RAP1GAP2: variants seen among roughly 807,000 people sequenced by gnomAD.
RAP1GAP2 encodes the protein rap1 GTPase-activating protein 2.
Under a neutral mutation model 95.0 loss-of-function variants are expected in RAP1GAP2, and 27 were observed. That is an observed-to-expected ratio of 0.28 (90% CI 0.21 to 0.39). The LOEUF is 0.39. RAP1GAP2 is among the 10% of genes least tolerant of loss of function. RAP1GAP2 has a pLI of 1.00. For synonymous variants in RAP1GAP2, 373 were observed against 380.9 expected (o/e 0.98, Z 0.24); for missense variants, 771 against 970.0 (o/e 0.79, Z 2.72).
chr17:2,988,988 G>A (rs1215138218), intron 11 of RAP1GAP2, among the ~76,000 whole-genome samples: 2 of 151,940 alleles, frequency 1.3e-5, no homozygotes, highest in Non-Finnish European at 2.9e-5. Flanking sequence ...GAACCTGGGA[G>A]GCAGAGGTTG....
intron 11 of RAP1GAP2, among the ~76,000 whole-genome samples, chr17:2,987,263 G>A (rs1311037378): frequency 6.6e-6 from 1 of 152,190 alleles, no homozygotes; most frequent in Non-Finnish European, 1.5e-5. Flanking sequence ...CATAGCATTT[G>A]TTGCACCCTA....
At chr17:2,756,985 C>T (rs1031406202) in intron 1 of RAP1GAP2, among the ~76,000 whole-genome samples, 8 of 152,216 alleles carry the variant, frequency 5.3e-5, no homozygotes, top group African/African-American at 1.9e-4. Context: ...CATCCAAGTT[C>T]ACATTGTCCG....
In RAP1GAP2 at chr17:2,957,851, A is replaced by G. The variant is rs370011769; in HGVS notation, c.201+57A>G. The G allele has an allele frequency of 1.1e-4, 173 of 1,521,736 alleles. No homozygotes were observed. The African/African-American group carries it at 2.3e-3, about 20-fold the overall frequency. The allele number at this position is 1,521,736 out of a possible 1,614,324, so 94.3% of individuals were successfully genotyped here. On this transcript the variant is annotated intron_variant, in intron 4 of 24. Transcript: ENST00000254695. ...AAGCCCAGCCCCAGATGTGGGTGGCATAGGGACCAGGCAGAACCCACGGGC... is the reference window on the plus strand; with the variant it reads ...AAGCCCAGCCCCAGATGTGGGTGGCGTAGGGACCAGGCAGAACCCACGGGC...
upstream of RAP1GAP2, among the ~76,000 whole-genome samples, chr17:2,775,971 G>A (rs183628189): frequency 1.6e-4 from 24 of 152,310 alleles, no homozygotes; most frequent in East Asian, 4.1e-3. Flanking sequence ...CTAAGGCCAG[G>A]AGTTTGAGAC....
intron 2 of RAP1GAP2, among the ~76,000 whole-genome samples, chr17:2,874,312 C>G (rs1234075223): frequency 6.6e-6 from 1 of 152,114 alleles, no homozygotes; most frequent in Non-Finnish European, 1.5e-5. Flanking sequence ...TAAAAACACT[C>G]TAAACTCCAA....
chr17:2,949,030 C>T (rs1029000400), intron 3 of RAP1GAP2, among the ~76,000 whole-genome samples: 1 of 152,232 alleles, frequency 6.6e-6, no homozygotes, highest in Non-Finnish European at 1.5e-5. Context: ...CAGCATCCTC[C>T]TCCCCAAAGA....
intron 1 of RAP1GAP2, among the ~76,000 whole-genome samples, chr17:2,767,833 C>T (rs926343846): frequency 6.6e-6 from 1 of 151,502 alleles, no homozygotes; most frequent in African/African-American, 2.4e-5. Context: ...CCCAGGTTCA[C>T]GCTATTCTCC....
In RAP1GAP2 at chr17:3,027,079, C is replaced by T. The variant is rs1036918881; in HGVS notation, c.2107+9C>T. 26 of 1,571,556 alleles carry T rather than the reference C, an allele frequency of 1.7e-5. No individual in the cohort carries two copies. The highest frequency in any genetic ancestry group is 2.1e-5 in the Non-Finnish European group (24 of 1,158,458). On this transcript the variant is annotated intron_variant, in intron 22 of 24. Transcript: ENST00000254695. The surrounding 1 kb of genome is among the most constrained non-coding windows in gnomAD (Gnocchi z 5.2). ...GAGCCGGAGTCCCACAGGTCAGTGG[C>T]ATCTGGTGGTGTGTGTGACGTCACC...
At chr17:3,023,716 C>T (rs1307099851) in intron 19 of RAP1GAP2, among the ~76,000 whole-genome samples, 3 of 152,054 alleles carry the variant, frequency 2.0e-5, no homozygotes, top group African/African-American at 7.3e-5. Flanking sequence ...TATACATGTG[C>T]CATGGTGGTT....
intron 2 of RAP1GAP2, among the ~76,000 whole-genome samples, chr17:2,852,700 C>T (rs979786245): frequency 6.6e-6 from 1 of 152,250 alleles, no homozygotes; most frequent in Non-Finnish European, 1.5e-5. Flanking sequence ...CCTTTCAGCC[C>T]CCTGCCCACT....
intron 4 of RAP1GAP2, among the ~76,000 whole-genome samples, chr17:2,959,339 G>T (rs1372204557): frequency 1.3e-5 from 2 of 152,100 alleles, no homozygotes. Context: ...TAGGGTAGGG[G>T]TCTTGTTTTA....
chr17:2,979,701 G>A (rs976072822), intron 8 of RAP1GAP2, among the ~76,000 whole-genome samples: 6 of 146,274 alleles, frequency 4.1e-5, no homozygotes, highest in Non-Finnish European at 9.2e-5. Flanking sequence ...TCCTGACCTC[G>A]TGATCCACCC....
At position 2,832,418 on chromosome 17, in the gene RAP1GAP2, T is replaced by C. The variant is rs552201773; in HGVS notation, c.80+31868T>C. On this transcript the variant is annotated intron_variant, in intron 2 of 24. Coordinates refer to ENST00000254695, the MANE Select transcript of RAP1GAP2 (RefSeq NM_015085.5). ...CTAAAAATACAAAAAATTACCCAGG[T>C]GTTGTGGCGGGCACCTGTAGTCCCA... Among the ~76,000 whole-genome samples the C allele has an allele frequency of 8.9e-5, 13 of 146,118 alleles. No homozygotes were observed. The South Asian group carries it at 2.8e-3, about 31-fold the overall frequency.
chr17:2,822,272 A>G (rs2070337616), intron 2 of RAP1GAP2, among the ~76,000 whole-genome samples: 1 of 152,178 alleles, frequency 6.6e-6, no homozygotes, highest in Non-Finnish European at 1.5e-5. Flanking sequence ...GCTCAGAAAC[A>G]GTTCCCCAAA....
Position 3,027,586 on chromosome 17 carries a change from CAGAG to C in RAP1GAP2, c.2107+519_2107+522del, listed in dbSNP as rs1373054955. On this transcript the variant is annotated intron_variant, in intron 22 of 24. Transcript: ENST00000254695. The surrounding 1 kb of genome is among the most constrained non-coding windows in gnomAD (Gnocchi z 5.2). The stretch of plus-strand genomic sequence containing the variant: ...CAGCTGGGTTCACAGAGCCAGGCGT[CAGAG>C]AGGCCGGAGCGTTGACAGGCTGGGT... Among the ~76,000 whole-genome samples, 1 of 151,970 alleles carries C rather than the reference CAGAG, an allele frequency of 6.6e-6. No individual in the cohort carries two copies. The highest frequency in any genetic ancestry group is 6.6e-5 in the Admixed American group (1 of 15,238).
intron 2 of RAP1GAP2, among the ~76,000 whole-genome samples, chr17:2,846,159 G>A: frequency 4.0e-5 from 6 of 151,238 alleles, no homozygotes; most frequent in Admixed American, 6.6e-5. Context: ...CTCCACCCTG[G>A]GCAACAGTGC....
intron 3 of RAP1GAP2, among the ~76,000 whole-genome samples, chr17:2,957,138 A>T (rs1013294431): frequency 7.5e-6 from 1 of 133,498 alleles, no homozygotes; most frequent in Non-Finnish European, 1.6e-5. Flanking sequence ...AAAAAAAAAA[A>T]AAAAGAAAAA....
chr17:2,944,175 A>C (rs1003039518), intron 3 of RAP1GAP2, among the ~76,000 whole-genome samples: 12 of 151,730 alleles, frequency 7.9e-5, no homozygotes, highest in Non-Finnish European at 1.6e-4. Context: ...AAAAAAAAAA[A>C]AAAAAAAACC....
chr17:2,798,741 T>C (rs982819832), intron 1 of RAP1GAP2, among the ~76,000 whole-genome samples: 1 of 152,154 alleles, frequency 6.6e-6, no homozygotes, highest in African/African-American at 2.4e-5. Context: ...CCATCTCCCA[T>C]CTCAGCCTCT....
Sources: gnomAD v4.1 joint callset for allele counts (sites outside exome capture counted in the v4.1 genomes callset) on GRCh38, gnomAD v4.1.1 for gene constraint, Gnocchi (gnomAD v3.1) non-coding constraint, MANE v1.5 for transcripts, NCBI Gene and HGNC (gene_info 2026-07-23, HGNC 2026-07-21) for gene names.